RAD54B: variants seen among roughly 807,000 people sequenced by gnomAD.
The protein encoded by RAD54B is DNA repair and recombination protein RAD54B.
Under a neutral mutation model 95.8 loss-of-function variants are expected in RAD54B, and 78 were observed. The observed-to-expected ratio is 0.81, with a 90% CI of 0.68 to 0.98. The LOEUF is 0.98. Among genes scored for constraint, RAD54B ranks in the 50% least tolerant of loss-of-function variants. RAD54B has a pLI of 0.00. For missense variants in RAD54B, 957 were observed against 1,056.6 expected, an observed-to-expected ratio of 0.91 and a Z score of 1.31; for synonymous variants, 328 against 354.9, an observed-to-expected ratio of 0.92 and a Z score of 0.85.
At chr8:94,463,855 C>T (rs1812959449) in intron 2 of RAD54B, among the ~76,000 whole-genome samples, 2 of 134,278 alleles carry the variant, frequency 1.5e-5, no homozygotes, top group Admixed American at 1.7e-4. Flanking sequence ...GTGGAGGCTG[C>T]AGTGAGCCAT....
At chr8:94,381,133 A>T (rs1586119939) in intron 11 of RAD54B, among the ~76,000 whole-genome samples, 1 of 152,188 alleles carries the variant, frequency 6.6e-6, no homozygotes, top group Non-Finnish European at 1.5e-5. Context: ...CTTTTAAAAA[A>T]AAAAATGTGT....
intron 3 of RAD54B, among the ~76,000 whole-genome samples, chr8:94,415,648 A>G (rs1811645655): frequency 6.9e-6 from 1 of 143,998 alleles, no homozygotes; most frequent in African/African-American, 2.5e-5. Context: ...CAGAATCTAC[A>G]ATGAACTCAA....
Position 94,393,826 on chromosome 8 carries a change from G to C in RAD54B, c.1435C>G (p.Pro479Ala). 6.3e-7 allele frequency: 1 copy of C among 1,595,186 alleles called. No homozygotes were observed. The highest frequency in any genetic ancestry group is 8.6e-7 in the Non-Finnish European group (1 of 1,164,552). Residue 479 changes from proline to alanine, a missense_variant, in exon 9 of 15, where the codon CCA becomes GCA. Transcript: ENST00000336148. ...EFFALIDFVN[P>A]GILGSLSSYR... The stretch of plus-strand genomic sequence containing the variant: ...GATGACAAAGAGCCTAATATTCCTG[G>C]ATTTACAAAATCAATTAATGCAAAA...
intron 3 of RAD54B, chr8:94,436,669 C>T (rs766993220): frequency 6.4e-7 from 1 of 1,550,530 alleles, no homozygotes; most frequent in Non-Finnish European, 8.7e-7. Context: ...GGTGCGTAGG[C>T]CCTGTGCTGT....
intron 8 of RAD54B, among the ~76,000 whole-genome samples, chr8:94,397,520 A>G (rs1427390418): frequency 6.6e-6 from 1 of 152,160 alleles, no homozygotes; most frequent in East Asian, 1.9e-4. Context: ...GTTGCTATCA[A>G]GACATTCTTG....
intron 11 of RAD54B, among the ~76,000 whole-genome samples, chr8:94,385,072 C>T (rs940421585): frequency 3.3e-5 from 5 of 152,086 alleles, no homozygotes; most frequent in Non-Finnish European, 5.9e-5. Flanking sequence ...CACTGCACTC[C>T]GGCCTGTGCC....
At chr8:94,431,708 T>G in intron 3 of RAD54B, 2 of 985,426 alleles carry the variant, frequency 2.0e-6, no homozygotes, top group Non-Finnish European at 2.4e-6. Flanking sequence ...AAAACCAATG[T>G]CATACAGACA....
rs189646756 is a variant in RAD54B at position 94,467,532 on chromosome 8, C to T, written c.8G>A (p.Arg3Gln). 6.8e-6 allele frequency: 11 copies of T among 1,612,040 alleles called. 1 individual carries two copies. Among genetic ancestry groups the T allele is most frequent in the East Asian group, 6.7e-5 (3 of 44,854 alleles). Residue 3 changes from arginine (R) to glutamine (Q), a missense_variant, in exon 2 of 15, where the codon CGA becomes CAA. By Grantham distance (43) the Arg-to-Gln change is conservative. Coordinates refer to ENST00000336148, the MANE Select transcript of RAD54B (RefSeq NM_012415.3). MR[R>Q]SAAPSQLQGN... ...CTGCAACTGACTTGGTGCTGCAGATCGTCTCATATTCAGCAGTCGTGACCT... is the reference window on the plus strand; with the variant it reads ...CTGCAACTGACTTGGTGCTGCAGATTGTCTCATATTCAGCAGTCGTGACCT...
At position 94,419,398 on chromosome 8, in the gene RAD54B, C is replaced by A. The variant is rs527416504; in HGVS notation, c.305-8083G>T. Among the ~76,000 whole-genome samples, 807 of 152,214 alleles carry A rather than the reference C, an allele frequency of 5.3e-3. 6 individuals carry two copies. Among genetic ancestry groups the A allele is most frequent in the Non-Finnish European group, 7.4e-3 (500 of 68,018 alleles). ...TGGCAGGCACCTGCAATCCCAGCTA[C>A]TCGGGAGGTTGAGGCAGGAGAATTG... On this transcript the variant is annotated intron_variant, in intron 3 of 14. Transcript: ENST00000336148.
chr8:94,387,641 T>TA (rs1244213730), intron 10 of RAD54B, among the ~76,000 whole-genome samples: 4 of 152,234 alleles, frequency 2.6e-5, no homozygotes, highest in African/African-American at 9.6e-5. Flanking sequence ...ATCGTTTACT[T>TA]AATCTTACCA....
chr8:94,386,821 T>C (rs1261381035), intron 11 of RAD54B, among the ~76,000 whole-genome samples, 163 bp downstream of exon 11: 1 of 152,220 alleles, frequency 6.6e-6, no homozygotes, highest in Non-Finnish European at 1.5e-5. Flanking sequence ...TACAGACACA[T>C]TGTTAATTAC....
chr8:94,395,233 A>C (rs1161336442), intron 8 of RAD54B, among the ~76,000 whole-genome samples: 1 of 152,188 alleles, frequency 6.6e-6, no homozygotes, highest in Non-Finnish European at 1.5e-5. Context: ...GTTCACTGGA[A>C]GCAGAGCCTA....
intron 8 of RAD54B, among the ~76,000 whole-genome samples, chr8:94,397,447 A>G (rs149524368): frequency 1.6e-3 from 238 of 152,232 alleles, no homozygotes; most frequent in African/African-American, 5.5e-3. Flanking sequence ...AAACAGAAAC[A>G]AGCTAAGATT....
rs10640285 is a variant in RAD54B, at chr8:94,406,003, T to TAC, written c.781+1434_781+1435dup. ...ATTTACTATTTACCTGAAGTGCTTT[T>TAC]ACACACACACACACACACACACACA... is the stretch of plus-strand genomic sequence containing the variant. On this transcript the variant is annotated intron_variant, in intron 5 of 14. Transcript: ENST00000336148. Among the ~76,000 whole-genome samples the TAC allele has an allele frequency of 7.0e-3, 1,043 of 148,054 alleles. 11 individuals are homozygous for TAC. Among genetic ancestry groups the TAC allele is most frequent in the African/African-American group, 0.022 (884 of 40,496 alleles).
intron 14 of RAD54B, among the ~76,000 whole-genome samples, chr8:94,377,972 T>C (rs1810635382): frequency 2.5e-5 from 1 of 39,268 alleles, no homozygotes; most frequent in South Asian, 1.1e-3. Flanking sequence ...CGAGACTCCG[T>C]CTCAAAAAAA....
intron 11 of RAD54B, among the ~76,000 whole-genome samples, chr8:94,381,976 T>C (rs921838842): frequency 1.3e-5 from 2 of 151,898 alleles, no homozygotes; most frequent in Non-Finnish European, 2.9e-5. Flanking sequence ...TAGTCGGGCA[T>C]GGTGGTGGGC....
intron 14 of RAD54B, among the ~76,000 whole-genome samples, 199 bp downstream of exon 14, chr8:94,377,981 A>G: frequency 6.7e-6 from 1 of 149,990 alleles, no homozygotes; most frequent in East Asian, 1.9e-4. Context: ...GTCTCAAAAA[A>G]AAAAAAAAAA....
At chr8:94,444,846 C>G (rs1202124575) in intron 3 of RAD54B, among the ~76,000 whole-genome samples, 1 of 152,180 alleles carries the variant, frequency 6.6e-6, no homozygotes, top group African/African-American at 2.4e-5. Context: ...TCCTACAACT[C>G]AGCAGTGTCT....
At chr8:94,457,891 A>C (rs1456757062) in intron 3 of RAD54B, among the ~76,000 whole-genome samples, 1 of 152,212 alleles carries the variant, frequency 6.6e-6, no homozygotes, top group Admixed American at 6.5e-5. Context: ...GAAGTACTCC[A>C]GACTCTAATG....
Sources: allele counts gnomAD v4.1 joint callset (sites outside exome capture counted in the v4.1 genomes callset), GRCh38; gene constraint gnomAD v4.1.1; transcripts MANE v1.5; gene names NCBI Gene and HGNC (gene_info 2026-07-23, HGNC 2026-07-21).